The following MROH9 variants were observed in gnomAD, a reference collection of about 807,000 sequenced individuals.
The protein encoded by MROH9 is maestro heat-like repeat-containing protein family member 9.
In MROH9, 92 loss-of-function variants were observed where a neutral mutation model predicts 98.2. The ratio of observed to expected loss-of-function variants is 0.94; its 90% CI spans 0.79 to 1.11. MROH9 has a LOEUF of 1.11. MROH9 is among the 50% of genes most tolerant of loss of function. The probability of loss-of-function intolerance (pLI) is 0.00; values close to 1 mark genes in which losing one functional copy is unlikely to be tolerated. For missense variants in MROH9, 1,057 were observed against 1,014.8 expected (o/e 1.04, Z -0.57); for synonymous variants, 397 against 368.9 (o/e 1.08, Z -0.87).
chr1:171,014,394 A>G, intron 16 of MROH9, 140 bp downstream of exon 16: 1 of 737,244 alleles, frequency 1.4e-6, no homozygotes, highest in Non-Finnish European at 2.0e-6. Context: ...CTGCTGTTTT[A>G]TTAACAAGGA....
chr1:171,026,721 G>A (rs1571149828), intron 20 of MROH9, among the ~76,000 whole-genome samples: 1 of 152,038 alleles, frequency 6.6e-6, no homozygotes, highest in Non-Finnish European at 1.5e-5. Flanking sequence ...TTCTACAGAG[G>A]TACTTCAAGG....
At chr1:171,020,736 G>A (rs1222468353) in intron 17 of MROH9, among the ~76,000 whole-genome samples, 1 of 152,068 alleles carries the variant, frequency 6.6e-6, no homozygotes, top group Non-Finnish European at 1.5e-5. Context: ...CCACTCCTAT[G>A]CATCATAGTA....
In MROH9 at chr1:170,967,060, T is replaced by G. The variant is rs546564826; in HGVS notation, c.480+1805T>G. On this transcript the variant is annotated intron_variant, in intron 7 of 21. Coordinates refer to ENST00000367759, the MANE Select transcript of MROH9 (RefSeq NM_001163629.2). ...CTATCACTTCTTTCCATTACTGTAG[T>G]AGAGTTCATTCTCCTTTGCATACAT... Among the ~76,000 whole-genome samples, 7 of 152,296 alleles carry G rather than the reference T, an allele frequency of 4.6e-5. No homozygotes were observed. The South Asian group carries it at 1.5e-3, about 32-fold the overall frequency.
At chr1:171,004,098 G>T (rs1651870937) in intron 15 of MROH9, among the ~76,000 whole-genome samples, 1 of 152,098 alleles carries the variant, frequency 6.6e-6, no homozygotes, top group Non-Finnish European at 1.5e-5. Context: ...CATGCCCCCT[G>T]CAACAGCCCT....
intron 20 of MROH9, among the ~76,000 whole-genome samples, chr1:171,051,545 A>G (rs113852063): frequency 0.012 from 1,862 of 152,242 alleles, 33 homozygotes; most frequent in African/African-American, 0.041. Context: ...CAATGAGAAC[A>G]CATGGAAAAA....
chr1:171,034,406 C>A (rs899520753), intron 20 of MROH9, among the ~76,000 whole-genome samples: 37 of 152,204 alleles, frequency 2.4e-4, no homozygotes, highest in African/African-American at 8.7e-4. Flanking sequence ...GGACTCTCAT[C>A]TGCCAATCAA....
At chr1:170,945,652 T>A (rs1649301923) in intron 2 of MROH9, 71 bp downstream of exon 2, 1 of 1,334,304 alleles carries the variant, frequency 7.5e-7, no homozygotes, top group Non-Finnish European at 1.0e-6. Context: ...GAGTGACAGA[T>A]GACAGAGAGA....
rs142608513 is a variant in MROH9, at chr1:171,056,539, A to T, written c.2282-5593A>T. On this transcript the variant is annotated intron_variant, in intron 20 of 21. Coordinates refer to ENST00000367759, the MANE Select transcript of MROH9 (RefSeq NM_001163629.2). ...GGAATGGCTGCAGTCTCTGTGAATCAGCAGACATAGCCTTTCCTCCTGATA... is the reference window on the plus strand; with the variant it reads ...GGAATGGCTGCAGTCTCTGTGAATCTGCAGACATAGCCTTTCCTCCTGATA... 1.5e-3 allele frequency among the ~76,000 whole-genome samples: 223 copies of T among 152,334 alleles called. 1 individual carries two copies. The highest frequency in any genetic ancestry group is 5.1e-3 in the African/African-American group (214 of 41,578).
intron 20 of MROH9, among the ~76,000 whole-genome samples, chr1:171,044,964 G>T: frequency 1.5e-5 from 1 of 64,706 alleles, no homozygotes; most frequent in Middle Eastern, 0.01. Flanking sequence ...ATTTATTTCT[G>T]CTCTGATCTT....
chr1:170,995,840 A>C (rs1651547363), intron 13 of MROH9, among the ~76,000 whole-genome samples: 1 of 152,192 alleles, frequency 6.6e-6, no homozygotes, highest in Non-Finnish European at 1.5e-5. Context: ...GCAGAGCATT[A>C]AATCCAAAGT....
chr1:170,985,367 G>A lies in MROH9; in HGVS notation c.730-1194G>A, dbSNP rs184502087. ...CGGCATCAAGAACATGTAACAACAC[G>A]GCGTAGCAGTAAGAAGCAGGAGGAG... is the stretch of plus-strand genomic sequence containing the variant. On this transcript the variant is annotated intron_variant, in intron 9 of 21. Transcript: ENST00000367759. Among the ~76,000 whole-genome samples the A allele has an allele frequency of 5.9e-5, 9 of 152,212 alleles. No individual in the cohort carries two copies. In the East Asian group the frequency reaches 1.4e-3, roughly 23 times the overall value.
intron 11 of MROH9, among the ~76,000 whole-genome samples, chr1:170,990,462 C>G (rs1651315815): frequency 1.3e-5 from 2 of 152,054 alleles, no homozygotes; most frequent in Non-Finnish European, 2.9e-5. Flanking sequence ...GTCCTGTGTC[C>G]TTTAACTATT....
chr1:170,960,532 T>A (rs1240761347), intron 5 of MROH9, among the ~76,000 whole-genome samples: 1 of 152,206 alleles, frequency 6.6e-6, no homozygotes, highest in Non-Finnish European at 1.5e-5. Flanking sequence ...AATACCCACA[T>A]AGCATACAAT....
At chr1:170,972,058 G>A (rs1485047486) in intron 8 of MROH9, among the ~76,000 whole-genome samples, 175 bp downstream of exon 8, 1 of 152,134 alleles carries the variant, frequency 6.6e-6, no homozygotes, top group African/African-American at 2.4e-5. Flanking sequence ...AAGAAATTTT[G>A]GTAATAGTGT....
At chr1:171,039,096 T>A (rs1201491725) in intron 20 of MROH9, among the ~76,000 whole-genome samples, 1 of 152,176 alleles carries the variant, frequency 6.6e-6, no homozygotes, top group Non-Finnish European at 1.5e-5. Context: ...TGAGATCACA[T>A]GCTTACCTAC....
intron 3 of MROH9, among the ~76,000 whole-genome samples, chr1:170,952,628 A>G (rs1364237503): frequency 1.3e-5 from 2 of 151,288 alleles, no homozygotes; most frequent in African/African-American, 2.4e-5. Context: ...GAGGGATAGT[A>G]TTAGGAGATA....
At chr1:171,022,272 AT>A (rs967610923) in intron 17 of MROH9, among the ~76,000 whole-genome samples, 2 of 152,226 alleles carry the variant, frequency 1.3e-5, no homozygotes, top group African/African-American at 2.4e-5. Flanking sequence ...ATTATAAATC[AT>A]TCTGCTTTAA....
At chr1:171,031,044 TTTC>T (rs1557905788) in intron 20 of MROH9, among the ~76,000 whole-genome samples, 1 of 152,202 alleles carries the variant, frequency 6.6e-6, no homozygotes, top group African/African-American at 2.4e-5. Flanking sequence ...TAATGTCCTT[TTTC>T]TTCTTTTTTG....
Position 171,002,723 on chromosome 1 carries a change from A to G in MROH9, c.1596+4449A>G, listed in dbSNP as rs187315215. Among the ~76,000 whole-genome samples the G allele has an allele frequency of 1.6e-3, 237 of 152,234 alleles. 1 individual carries two copies. Among genetic ancestry groups the G allele is most frequent in the Non-Finnish European group, 2.1e-4 (14 of 67,990 alleles). ...CTTAACTTTGGGTAACCCGATGACA[A>G]TGTGCTTAGGTGAAGATCTTTTTGC... On this transcript the variant is annotated intron_variant, in intron 15 of 21. Coordinates refer to ENST00000367759, the MANE Select transcript of MROH9 (RefSeq NM_001163629.2).
Sources: gnomAD v4.1 joint callset for allele counts (sites outside exome capture counted in the v4.1 genomes callset) on GRCh38, gnomAD v4.1.1 for gene constraint, MANE v1.5 for transcripts, NCBI Gene and HGNC (gene_info 2026-07-23, HGNC 2026-07-21) for gene names.